The following ANKMY1 variants were observed in gnomAD, a reference collection of about 807,000 sequenced individuals.
ANKMY1 encodes ankyrin repeat and MYND domain containing 1, also known as ankyrin repeat and MYND domain-containing protein 1.
Under a neutral mutation model 102.0 loss-of-function variants are expected in ANKMY1, and 98 were observed. That is an observed-to-expected ratio of 0.96 (90% CI 0.82 to 1.14). ANKMY1 has a LOEUF of 1.14. Among genes scored for constraint, ANKMY1 ranks in the 50% most tolerant of loss-of-function variants. ANKMY1 has a pLI of 0.00. For missense variants in ANKMY1, 1,330 were observed against 1,347.6 expected (o/e 0.99, Z 0.20); for synonymous variants, 582 against 559.9 (o/e 1.04, Z -0.56).
At position 240,511,866 on chromosome 2, in the gene ANKMY1, TG is replaced by T; in HGVS notation, c.2280del (p.Asp760GlufsTer8). The T allele has an allele frequency of 6.3e-7, 1 of 1,587,706 alleles. No homozygotes were observed. The highest frequency in any genetic ancestry group is 1.4e-5 in the African/African-American group (1 of 73,578). On this transcript the variant is annotated frameshift_variant, in exon 11 of 18. Transcript: ENST00000401804. LOFTEE classifies it high-confidence loss of function. ...CAGGCCCTGGCTGCCCTCACCTTGT[TG>T]TCATCCTCCCGCTCGCAGGCCATGT... is the stretch of plus-strand genomic sequence containing the variant. The part of the protein sequence containing the change: ...ALHMACERED[D>X]NKCARDIVRL...
chr2:240,519,914 T>A (rs2081864603), intron 9 of ANKMY1: 1 of 263,890 alleles, frequency 3.8e-6, no homozygotes, highest in South Asian at 3.7e-5. Flanking sequence ...CTTCGAAGAT[T>A]TTTTCTCAGC....
At chr2:240,545,406 G>A (rs1575318849) in intron 4 of ANKMY1, among the ~76,000 whole-genome samples, 2 of 152,204 alleles carry the variant, frequency 1.3e-5, no homozygotes, top group African/African-American at 4.8e-5. Context: ...CACAAAGATG[G>A]GGAAAAAGCA....
chr2:240,529,516 A>G lies in ANKMY1; in HGVS notation c.481-7T>C. 1 of 1,606,450 alleles carries G rather than the reference A, an allele frequency of 6.2e-7. No homozygotes were observed. The highest frequency in any genetic ancestry group is 8.5e-7 in the Non-Finnish European group (1 of 1,175,728). ...GGTCCGCTTTGTATAGCCCCTGCCAAGGAAGCGCAATAGACCGAGGAGAGA... is the reference window on the plus strand; with the variant it reads ...GGTCCGCTTTGTATAGCCCCTGCCAGGGAAGCGCAATAGACCGAGGAGAGA... On this transcript the variant is annotated splice_region_variant and splice_polypyrimidine_tract_variant and intron_variant, in intron 4 of 17. Transcript: ENST00000401804. This position sits in a 1 kb window ranked among gnomAD's most constrained non-coding sequence, Gnocchi z 4.2.
intron 4 of ANKMY1, among the ~76,000 whole-genome samples, chr2:240,533,409 T>C (rs1285118512): frequency 6.6e-6 from 1 of 152,208 alleles, no homozygotes; most frequent in Admixed American, 6.5e-5. Context: ...GCTAAGTATA[T>C]AATTTAAAAT....
At chr2:240,551,776 G>T (rs998567371) in intron 4 of ANKMY1, among the ~76,000 whole-genome samples, 1 of 152,100 alleles carries the variant, frequency 6.6e-6, no homozygotes, top group African/African-American at 2.4e-5. Context: ...TTGAGGAACT[G>T]ATAAACAAAA....
chr2:240,496,930 C>T (rs2077339703), intron 15 of ANKMY1, among the ~76,000 whole-genome samples: 1 of 152,200 alleles, frequency 6.6e-6, no homozygotes, highest in Non-Finnish European at 1.5e-5. Context: ...TTTTCTCTGG[C>T]ATAATTTATA....
At chr2:240,524,464 G>T in intron 7 of ANKMY1, 83 bp from the exon 8 acceptor site, 1 of 1,463,152 alleles carries the variant, frequency 6.8e-7, no homozygotes. Context: ...AAGGACCAAT[G>T]CCCGTGGCCT....
upstream of ANKMY1, among the ~76,000 whole-genome samples, chr2:240,559,281 T>C (rs1271073290): frequency 6.6e-6 from 1 of 152,180 alleles, no homozygotes; most frequent in East Asian, 1.9e-4. Context: ...GTGATGATGA[T>C]TCATGAAACA....
In ANKMY1 at chr2:240,523,867, G is replaced by A. The variant is rs1380686395; in HGVS notation, c.1832+18C>T. The A allele has an allele frequency of 6.2e-6, 10 of 1,604,140 alleles. No homozygotes were observed. Among genetic ancestry groups the A allele is most frequent in the Non-Finnish European group, 7.7e-6 (9 of 1,173,028 alleles). The stretch of plus-strand genomic sequence containing the variant: ...TGATGGTGGCCCTCCACCCCCACCA[G>A]CTGGTGCCAGGACCTACTCGATCAT... On this transcript the variant is annotated intron_variant, in intron 8 of 17. Coordinates refer to ENST00000401804, the MANE Select transcript of ANKMY1 (RefSeq NM_001282771.3).
intron 4 of ANKMY1, among the ~76,000 whole-genome samples, chr2:240,550,532 A>C (rs1217474189): frequency 6.6e-6 from 1 of 152,194 alleles, no homozygotes; most frequent in Non-Finnish European, 1.5e-5. Context: ...ATTTAAAAAA[A>C]AAGATCTTAC....
At position 240,512,889 on chromosome 2, in the gene ANKMY1, C is replaced by G. The variant is rs2152232612; in HGVS notation, c.2058G>C (p.Gly686=). 2 of 1,613,958 alleles carry G rather than the reference C, an allele frequency of 1.2e-6. No individual in the cohort carries two copies. Among genetic ancestry groups the G allele is most frequent in the East Asian group, 4.5e-5 (2 of 44,880 alleles). ...HIAAALPGEE[G]VQIVELLLHA... The stretch of plus-strand genomic sequence containing the variant: ...GCAACAGCAGCTCCACAATCTGTAC[C>G]CCCTCCTCCCCAGGAAGGGCGGCAG... The change falls in exon 10 of 18, where the codon GGG becomes GGC. Residue 686 remains glycine, a synonymous_variant. Transcript: ENST00000401804.
intron 13 of ANKMY1, among the ~76,000 whole-genome samples, chr2:240,505,385 C>G (rs888220419): frequency 6.6e-6 from 1 of 151,796 alleles, no homozygotes; most frequent in African/African-American, 2.4e-5. Context: ...TTGCTTGAAC[C>G]TGAGAGGCGG....
intron 4 of ANKMY1, among the ~76,000 whole-genome samples, chr2:240,540,767 C>T (rs1248864074): frequency 2.6e-5 from 4 of 152,168 alleles, no homozygotes; most frequent in African/African-American, 4.8e-5. Context: ...AGACTGAACC[C>T]GTGATGTTTC....
At chr2:240,508,408 T>C (rs2079485931) in intron 12 of ANKMY1, among the ~76,000 whole-genome samples, 2 of 152,268 alleles carry the variant, frequency 1.3e-5, no homozygotes, top group Non-Finnish European at 2.9e-5. Context: ...TGCTGGCCTC[T>C]GCAGAAGCAC....
Position 240,482,208 on chromosome 2 carries a change from C to A in ANKMY1, c.2860G>T (p.Gly954Cys). The change falls in exon 16 of 18, where the codon GGC becomes TGC. Residue 954 changes from glycine (G) to cysteine (C), a missense_variant. Gly to Cys is a radical substitution (Grantham distance 159). Coordinates refer to ENST00000401804, the MANE Select transcript of ANKMY1 (RefSeq NM_001282771.3). ...TGCCCCTGCTCCTTCACATCCAGGC[C>A]CCTGGGCAGGCTGGGGCCCTTCTTC... The part of the protein sequence containing the change: ...MKKKGPSLPR[G>C]LDVKEQGQIP... The A allele has an allele frequency of 6.2e-7, 1 of 1,612,608 alleles. No individual in the cohort carries two copies. The highest frequency in any genetic ancestry group is 2.2e-5 in the East Asian group (1 of 44,766).
At position 240,557,212 on chromosome 2, in the gene ANKMY1, T is replaced by C; in HGVS notation, c.124A>G (p.Asn42Asp). Residue 42 changes from asparagine (N) to aspartate (D), a missense_variant, in exon 2 of 18, where the codon AAC becomes GAC. Physicochemically the swap from Asn to Asp is conservative, Grantham distance 23. Transcript: ENST00000401804. Reference sequence around the variant, plus strand: ...CACCTTGTGGCGAAGACAGCGTAGTTCTTCAGGGACCCCGGCTCCTCGGCA... The same window carrying C: ...CACCTTGTGGCGAAGACAGCGTAGTCCTTCAGGGACCCCGGCTCCTCGGCA... ...PAAEEPGSLK[N>D]YAVFATRDVS... The C allele has an allele frequency of 6.4e-7, 1 of 1,571,710 alleles. No homozygotes were observed. The highest frequency in any genetic ancestry group is 8.6e-7 in the Non-Finnish European group (1 of 1,157,164).
At position 240,524,055 on chromosome 2, in the gene ANKMY1, C is replaced by G; in HGVS notation, c.1662G>C (p.Glu554Asp). The G allele has an allele frequency of 6.2e-7, 1 of 1,614,064 alleles. No individual in the cohort carries two copies. Among genetic ancestry groups the G allele is most frequent in the Non-Finnish European group, 8.5e-7 (1 of 1,180,042 alleles). Residue 554 changes from glutamate (E) to aspartate (D), a missense_variant, in exon 8 of 18, where the codon GAG becomes GAC. Glu to Asp is a conservative substitution (Grantham distance 45). Transcript: ENST00000401804. ...NTDRGSLCSA[E>D]TKFESNVCVC... Reference sequence around the variant, plus strand: ...CACACACGTTGGACTCAAATTTCGTCTCAGCACTGCACAGACTGCCCCGGT... The same window carrying G: ...CACACACGTTGGACTCAAATTTCGTGTCAGCACTGCACAGACTGCCCCGGT...
chr2:240,500,617 A>T (rs2152039132), intron 13 of ANKMY1, 52 bp from the exon 14 acceptor site: 3 of 1,517,626 alleles, frequency 2.0e-6, no homozygotes, highest in Non-Finnish European at 2.7e-6. Flanking sequence ...GGCTACTGGG[A>T]GCAGCGGAAG....
At chr2:240,545,866 G>A (rs1282877680) in intron 4 of ANKMY1, among the ~76,000 whole-genome samples, 2 of 152,206 alleles carry the variant, frequency 1.3e-5, no homozygotes, top group Non-Finnish European at 2.9e-5. Flanking sequence ...TATGTGAAAA[G>A]ACCAAATCTA....
Sources: allele counts gnomAD v4.1 joint callset (sites outside exome capture counted in the v4.1 genomes callset), GRCh38; gene constraint gnomAD v4.1.1; non-coding constraint Gnocchi (gnomAD v3.1); transcripts MANE v1.5; gene names NCBI Gene and HGNC (gene_info 2026-07-23, HGNC 2026-07-21).